The following ROBO2 variants were observed in gnomAD, a reference collection of about 807,000 sequenced individuals.
The protein encoded by ROBO2 is roundabout guidance receptor 2.
A neutral mutation model predicts 160.8 loss-of-function variants in ROBO2; 53 were observed. That is an observed-to-expected ratio of 0.33 (90% CI 0.26 to 0.41). The LOEUF is 0.41. Ranked by LOEUF, ROBO2 falls within the 10% of genes least tolerant of loss-of-function variation. ROBO2 has a pLI of 1.00. For synonymous variants in ROBO2, 664 were observed against 611.7 expected, an observed-to-expected ratio of 1.09 and a Z score of -1.26; for missense variants, 1,577 against 1,722.4, an observed-to-expected ratio of 0.92 and a Z score of 1.49.
intron 2 of ROBO2, among the ~76,000 whole-genome samples, chr3:76,341,614 T>G (rs1244477742): frequency 2.6e-5 from 4 of 152,080 alleles, no homozygotes; most frequent in Non-Finnish European, 5.9e-5. Flanking sequence ...CTTGGGAAAT[T>G]CACTGGAAAT....
chr3:76,629,888 C>A (rs2089916098), intron 2 of ROBO2, among the ~76,000 whole-genome samples: 1 of 152,272 alleles, frequency 6.6e-6, no homozygotes, highest in South Asian at 2.1e-4. Context: ...AAACAACTTA[C>A]CATACTTTTC....
intron 1 of ROBO2, among the ~76,000 whole-genome samples, chr3:77,087,182 TA>T (rs2069439980): frequency 6.6e-6 from 1 of 152,198 alleles, no homozygotes; most frequent in Admixed American, 6.5e-5. Flanking sequence ...TTTATTTAAG[TA>T]AAATCCCCTT....
intron 2 of ROBO2, among the ~76,000 whole-genome samples, chr3:76,493,283 A>G (rs1319750547): frequency 6.8e-6 from 1 of 147,876 alleles, no homozygotes; most frequent in Non-Finnish European, 1.5e-5. Context: ...TCTGAAACAA[A>G]CCTGTGGTAT....
chr3:77,030,165 C>T (rs912445973), intron 2 of ROBO2, among the ~76,000 whole-genome samples: 13 of 144,976 alleles, frequency 9.0e-5, no homozygotes, highest in African/African-American at 3.7e-4. Flanking sequence ...AGGATTGTCT[C>T]GATCTCCTGA....
At chr3:77,099,926 C>T (rs542339820) in intron 2 of ROBO2, among the ~76,000 whole-genome samples, 5 of 151,934 alleles carry the variant, frequency 3.3e-5, no homozygotes, top group Non-Finnish European at 7.4e-5. Context: ...TAAATGAAAT[C>T]TGGTCTATTT....
chr3:76,208,169 T>C (rs1702923329), intron 2 of ROBO2, among the ~76,000 whole-genome samples: 1 of 152,102 alleles, frequency 6.6e-6, no homozygotes, highest in Admixed American at 6.6e-5. Flanking sequence ...CATGAGCCAA[T>C]TAGTCCTCTT....
In ROBO2 at chr3:76,132,397, G is replaced by C. The variant is rs114968368; in HGVS notation, c.109+194795G>C. Among the ~76,000 whole-genome samples, 18 of 115,602 alleles carry C rather than the reference G, an allele frequency of 1.6e-4. 1 individual carries two copies. Among genetic ancestry groups the C allele is most frequent in the Admixed American group, 6.9e-4 (7 of 10,168 alleles). 75.8% of individuals were successfully genotyped at this position (115,602 alleles called of 152,430 possible). A position where few individuals can be genotyped will look rare whatever the true frequency, so the allele number is the denominator to read the frequency against. On this transcript the variant is annotated intron_variant, in intron 2 of 26. Transcript: ENST00000487694. Reference sequence around the variant, plus strand: ...ACCTGCCCAAATTCCAGACTGTTGGGGGGGGGGGGGGACGCAGATGTTCAG... The same window carrying C: ...ACCTGCCCAAATTCCAGACTGTTGGCGGGGGGGGGGGACGCAGATGTTCAG...
chr3:76,665,949 A>G (rs982125474), intron 2 of ROBO2, among the ~76,000 whole-genome samples: 83 of 122,100 alleles, frequency 6.8e-4, no homozygotes, highest in African/African-American at 2.1e-3. Flanking sequence ...AATATATTAT[A>G]TATAATATAT....
At chr3:77,323,194 A>G (rs1027424493) in intron 2 of ROBO2, among the ~76,000 whole-genome samples, 1 of 150,990 alleles carries the variant, frequency 6.6e-6, no homozygotes, top group East Asian at 1.9e-4. Context: ...GTCCATAAAC[A>G]TATTTCCCAC....
At chr3:76,177,760 C>T (rs185613296) in intron 2 of ROBO2, among the ~76,000 whole-genome samples, 5 of 152,112 alleles carry the variant, frequency 3.3e-5, no homozygotes, top group East Asian at 1.9e-4. Context: ...TTTTTATTGT[C>T]GGACACTGAC....
At chr3:77,426,983 C>T (rs535895347) in intron 2 of ROBO2, among the ~76,000 whole-genome samples, 2 of 152,146 alleles carry the variant, frequency 1.3e-5, no homozygotes, top group Non-Finnish European at 2.9e-5. Flanking sequence ...AGTCATACTC[C>T]TTTTAAAATT....
chr3:77,219,513 A>C (rs201966705), intron 2 of ROBO2, among the ~76,000 whole-genome samples: 6 of 138,022 alleles, frequency 4.3e-5, no homozygotes, highest in Non-Finnish European at 9.3e-5. Flanking sequence ...ATATATATAT[A>C]TCTGTGTGTG....
intron 2 of ROBO2, among the ~76,000 whole-genome samples, chr3:76,587,362 G>A (rs1704121196): frequency 6.6e-6 from 1 of 152,058 alleles, no homozygotes; most frequent in Non-Finnish European, 1.5e-5. Flanking sequence ...ATAAAGAACT[G>A]CTTGAGACTG....
intron 2 of ROBO2, among the ~76,000 whole-genome samples, chr3:76,297,360 C>T (rs1287684852): frequency 6.6e-6 from 1 of 152,166 alleles, no homozygotes; most frequent in Admixed American, 6.5e-5. Flanking sequence ...CCTCCCATTG[C>T]CATGTCACAC....
At chr3:75,999,486 C>G (rs2065821446) in intron 2 of ROBO2, among the ~76,000 whole-genome samples, 1 of 151,850 alleles carries the variant, frequency 6.6e-6, no homozygotes, top group Non-Finnish European at 1.5e-5. Flanking sequence ...TTATTTAGAC[C>G]TGATTAATTA....
chr3:77,433,986 C>A (rs1019341562), intron 2 of ROBO2, among the ~76,000 whole-genome samples: 1 of 152,094 alleles, frequency 6.6e-6, no homozygotes, highest in Non-Finnish European at 1.5e-5. Context: ...ATTTCTCCCT[C>A]GGAGTAGGAA....
At chr3:76,246,110 T>G (rs1705601550) in intron 2 of ROBO2, among the ~76,000 whole-genome samples, 1 of 151,826 alleles carries the variant, frequency 6.6e-6, no homozygotes. Flanking sequence ...GTATGTGTAT[T>G]TTGTTAGTGA....
chr3:77,144,756 G>A (rs1224225978), intron 2 of ROBO2, among the ~76,000 whole-genome samples: 2 of 152,176 alleles, frequency 1.3e-5, no homozygotes, highest in Non-Finnish European at 2.9e-5. Flanking sequence ...AGGAGGTGTA[G>A]ATAAGTAGAT....
At chr3:76,415,413 A>G (rs909208100) in intron 2 of ROBO2, among the ~76,000 whole-genome samples, 1 of 152,236 alleles carries the variant, frequency 6.6e-6, no homozygotes, top group Non-Finnish European at 1.5e-5. Flanking sequence ...ATGGGACCCT[A>G]CTTTTAACCT....
Sources: gnomAD v4.1 joint callset for allele counts (sites outside exome capture counted in the v4.1 genomes callset) on GRCh38, gnomAD v4.1.1 for gene constraint, MANE v1.5 for transcripts, NCBI Gene and HGNC (gene_info 2026-07-23, HGNC 2026-07-21) for gene names.